The following FAT3 variants were observed in gnomAD, a reference collection of about 807,000 sequenced individuals.
FAT3 encodes protocadherin Fat 3.
Under a neutral mutation model 310.2 loss-of-function variants are expected in FAT3, and 95 were observed. That is an observed-to-expected ratio of 0.31 (90% CI 0.26 to 0.36). The LOEUF is 0.36. FAT3 is among the 10% of genes least tolerant of loss of function. The probability of loss-of-function intolerance (pLI) is 1.00; values close to 1 mark genes in which losing one functional copy is unlikely to be tolerated. For synonymous variants in FAT3, 2,314 were observed against 2,192.9 expected (o/e 1.06, Z -1.54); for missense variants, 5,408 against 5,715.6 (o/e 0.95, Z 1.74).
intron 2 of FAT3, among the ~76,000 whole-genome samples, chr11:92,456,934 ATGGGTC>A (rs1362586823): frequency 6.6e-6 from 1 of 152,146 alleles, no homozygotes; most frequent in Non-Finnish European, 1.5e-5. Context: ...GAGGATGATC[ATGGGTC>A]TGTATCTTGG....
chr11:92,628,300 A>T (rs1941411282), intron 3 of FAT3, among the ~76,000 whole-genome samples: 1 of 152,190 alleles, frequency 6.6e-6, no homozygotes, highest in African/African-American at 2.4e-5. Flanking sequence ...GACTCTCTTC[A>T]TAAGGCCTTT....
chr11:92,296,963 A>G (rs1354266989), intron 1 of FAT3, among the ~76,000 whole-genome samples: 1 of 152,240 alleles, frequency 6.6e-6, no homozygotes, highest in East Asian at 1.9e-4. Context: ...TTATTAATTA[A>G]AGCCTCTGTA....
intron 3 of FAT3, among the ~76,000 whole-genome samples, chr11:92,665,112 C>G (rs1447889256): frequency 6.6e-6 from 1 of 152,144 alleles, no homozygotes; most frequent in Non-Finnish European, 1.5e-5. Context: ...GTTCTACAGT[C>G]AAAATCATTT....
At chr11:92,737,480 C>T (rs1278685127) in intron 4 of FAT3, among the ~76,000 whole-genome samples, 2 of 151,968 alleles carry the variant, frequency 1.3e-5, no homozygotes, top group Non-Finnish European at 2.9e-5. Context: ...TCTTCCTAAA[C>T]CACAGTCAAA....
intron 3 of FAT3, among the ~76,000 whole-genome samples, chr11:92,553,996 G>A (rs1954918352): frequency 6.6e-6 from 1 of 151,736 alleles, no homozygotes; most frequent in Non-Finnish European, 1.5e-5. Flanking sequence ...AGTAGAGACG[G>A]GATTTCACCA....
At chr11:92,568,768 T>C (rs1462516898) in intron 3 of FAT3, among the ~76,000 whole-genome samples, 1 of 152,158 alleles carries the variant, frequency 6.6e-6, no homozygotes, top group Non-Finnish European at 1.5e-5. Context: ...ATCCAACAGT[T>C]TCCAACTCGT....
chr11:92,564,034 C>A (rs1171831995), intron 3 of FAT3, among the ~76,000 whole-genome samples: 2 of 151,538 alleles, frequency 1.3e-5, no homozygotes, highest in Non-Finnish European at 2.9e-5. Context: ...TCACACATAA[C>A]AATATTAAAT....
At chr11:92,489,643 A>C (rs1033350488) in intron 2 of FAT3, among the ~76,000 whole-genome samples, 6 of 152,238 alleles carry the variant, frequency 3.9e-5, no homozygotes, top group African/African-American at 1.4e-4. Context: ...TTCTTACTTT[A>C]ATATCTTTCC....
chr11:92,738,622 G>C (rs908492823), intron 4 of FAT3, among the ~76,000 whole-genome samples: 2 of 152,174 alleles, frequency 1.3e-5, no homozygotes, highest in Non-Finnish European at 2.9e-5. Flanking sequence ...AAAGTACTCT[G>C]ATATAAACAA....
At chr11:92,340,061 G>A (rs5029617) in intron 1 of FAT3, among the ~76,000 whole-genome samples, 4,891 of 142,254 alleles carry the variant, frequency 0.034, 244 homozygotes, top group African/African-American at 0.11. Flanking sequence ...GCAGTGAGTG[G>A]AGATGTTGCC....
chr11:92,826,590 G>A (rs1427341110), intron 13 of FAT3, among the ~76,000 whole-genome samples: 2 of 152,178 alleles, frequency 1.3e-5, no homozygotes, highest in Non-Finnish European at 2.9e-5. Flanking sequence ...CTAATGTTAT[G>A]ATATGTGATT....
At chr11:92,777,672 CA>C (rs1405924852) in intron 7 of FAT3, among the ~76,000 whole-genome samples, 13 of 152,188 alleles carry the variant, frequency 8.5e-5, no homozygotes, top group Middle Eastern at 3.4e-3. Context: ...TTTTGCATCC[CA>C]ATCTCAACTC....
At chr11:92,802,574 G>A (rs1947391160) in intron 10 of FAT3, among the ~76,000 whole-genome samples, 1 of 152,148 alleles carries the variant, frequency 6.6e-6, no homozygotes, top group Non-Finnish European at 1.5e-5. Flanking sequence ...AGAGGCTAAG[G>A]ATTTCATGTC....
chr11:92,281,225 G>T (rs1025631951), intron 1 of FAT3, among the ~76,000 whole-genome samples: 10 of 152,124 alleles, frequency 6.6e-5, no homozygotes, highest in South Asian at 2.1e-4. Context: ...CTCTCTGTAT[G>T]TTAAGTGGGG....
At chr11:92,712,497 C>T (rs1342952384) in intron 4 of FAT3, among the ~76,000 whole-genome samples, 1 of 152,006 alleles carries the variant, frequency 6.6e-6, no homozygotes, top group Non-Finnish European at 1.5e-5. Flanking sequence ...GTTGTGAAAC[C>T]ATAGATTACA....
chr11:92,820,978 C>CAGTTTTAA (rs1183759879), intron 13 of FAT3, among the ~76,000 whole-genome samples: 2 of 152,136 alleles, frequency 1.3e-5, no homozygotes, highest in African/African-American at 4.8e-5. Flanking sequence ...CAGGGCCCAC[C>CAGTTTTAA]TTGGGAAGGA....
intron 2 of FAT3, among the ~76,000 whole-genome samples, chr11:92,478,873 C>T (rs969478486): frequency 2.0e-5 from 3 of 152,052 alleles, no homozygotes; most frequent in African/African-American, 7.2e-5. Flanking sequence ...ACCTTGGCCT[C>T]CCAAAGTGCA....
At chr11:92,478,435 G>A (rs949396211) in intron 2 of FAT3, among the ~76,000 whole-genome samples, 3 of 152,048 alleles carry the variant, frequency 2.0e-5, no homozygotes, top group African/African-American at 7.2e-5. Flanking sequence ...CTGCCCTTCA[G>A]CTCATTTGGC....
At chr11:92,504,431 G>C (rs943595027) in intron 2 of FAT3, among the ~76,000 whole-genome samples, 2 of 152,002 alleles carry the variant, frequency 1.3e-5, no homozygotes, top group African/African-American at 4.8e-5. Context: ...AAAGACTGTT[G>C]GTCCTGAACA....
Sources: gnomAD v4.1 joint callset for allele counts (sites outside exome capture counted in the v4.1 genomes callset) on GRCh38, gnomAD v4.1.1 for gene constraint, MANE v1.5 for transcripts, NCBI Gene and HGNC (gene_info 2026-07-23, HGNC 2026-07-21) for gene names.